RPN2: variants seen among roughly 807,000 people sequenced by gnomAD.
The protein encoded by RPN2 is dolichyl-diphosphooligosaccharide--protein glycosyltransferase subunit 2.
In RPN2, 29 loss-of-function variants were observed where a neutral mutation model predicts 71.4. That is an observed-to-expected ratio of 0.41 (90% CI 0.30 to 0.55). The LOEUF is 0.55. Among genes scored for constraint, RPN2 ranks in the 20% least tolerant of loss-of-function variants. The pLI, the probability that RPN2 is intolerant of heterozygous loss-of-function variation, is 0.35. For synonymous variants in RPN2, 308 were observed against 305.0 expected, an observed-to-expected ratio of 1.01 and a Z score of -0.10; for missense variants, 726 against 774.1, an observed-to-expected ratio of 0.94 and a Z score of 0.74.
At chr20:37,195,388 T>G (rs116554184) in intron 2 of RPN2, among the ~76,000 whole-genome samples, 175 of 152,328 alleles carry the variant, frequency 1.1e-3, no homozygotes, top group African/African-American at 3.9e-3. Flanking sequence ...CAGAATAGAT[T>G]GTTTTTAGTG....
At chr20:37,227,688 A>G (rs2068113749) in intron 11 of RPN2, among the ~76,000 whole-genome samples, 1 of 152,176 alleles carries the variant, frequency 6.6e-6, no homozygotes, top group Non-Finnish European at 1.5e-5. Flanking sequence ...CTGTAAACCT[A>G]CCTGCCTTGT....
chr20:37,210,513 G>A (rs1310913713), intron 8 of RPN2, among the ~76,000 whole-genome samples: 1 of 147,818 alleles, frequency 6.8e-6, no homozygotes, highest in African/African-American at 2.5e-5. Flanking sequence ...ACCATTCAGA[G>A]ATAACTTTTG....
intron 2 of RPN2, among the ~76,000 whole-genome samples, chr20:37,194,306 G>A (rs1425670648): frequency 6.6e-6 from 1 of 152,086 alleles, no homozygotes; most frequent in Non-Finnish European, 1.5e-5. Flanking sequence ...TTGTCACCCA[G>A]GCTGGAGTGC....
intron 8 of RPN2, 120 bp from the exon 9 acceptor site, chr20:37,213,640 A>G (rs1324440316): frequency 1.3e-6 from 1 of 789,660 alleles, no homozygotes; most frequent in East Asian, 2.6e-5. Context: ...GTGGGAAGTC[A>G]AAAAGGTAAG....
intron 7 of RPN2, among the ~76,000 whole-genome samples, chr20:37,209,234 C>T (rs1426462381): frequency 6.6e-6 from 1 of 152,222 alleles, no homozygotes; most frequent in Non-Finnish European, 1.5e-5. Flanking sequence ...ATATAGTTGA[C>T]TTTCAACAAA....
chr20:37,227,639 C>T lies in RPN2; in HGVS notation c.1300-911C>T, dbSNP rs569727875. 2.6e-5 allele frequency among the ~76,000 whole-genome samples: 4 copies of T among 152,334 alleles called. 1 individual carries two copies. In the South Asian group the frequency reaches 8.3e-4, roughly 32 times the overall value. ...AGTGCTGGCTCTGTCACCCTGCCAA[C>T]TCATTTAATGCTTGTGCCTTGTGAT... On this transcript the variant is annotated intron_variant, in intron 11 of 16. Coordinates refer to ENST00000237530, the MANE Select transcript of RPN2 (RefSeq NM_002951.5).
chr20:37,180,104 G>T (rs1568953313), intron 1 of RPN2, among the ~76,000 whole-genome samples: 1 of 152,190 alleles, frequency 6.6e-6, no homozygotes, highest in Non-Finnish European at 1.5e-5. Flanking sequence ...ATTTCATGTA[G>T]CCTCATCGTA....
intron 16 of RPN2, 82 bp downstream of exon 16, chr20:37,236,791 G>T: frequency 7.0e-7 from 1 of 1,436,818 alleles, no homozygotes. Flanking sequence ...AAGGGTAGGT[G>T]GCAAAATGAT....
intron 8 of RPN2, among the ~76,000 whole-genome samples, chr20:37,212,394 C>G (rs1439758997): frequency 6.6e-6 from 1 of 152,018 alleles, no homozygotes; most frequent in Non-Finnish European, 1.5e-5. Flanking sequence ...TAAGACCAGT[C>G]TGGGCAACAT....
At chr20:37,230,508 G>T (rs1426301757) in intron 13 of RPN2, among the ~76,000 whole-genome samples, 2 of 152,220 alleles carry the variant, frequency 1.3e-5, no homozygotes, top group Non-Finnish European at 2.9e-5. Flanking sequence ...CAGGACTGTT[G>T]TGAGAATCAA....
chr20:37,217,458 A>C lies in RPN2; in HGVS notation c.1092+3593A>C, dbSNP rs1292142430. Among the ~76,000 whole-genome samples, 4 of 151,478 alleles carry C rather than the reference A, an allele frequency of 2.6e-5. No homozygotes were observed. The East Asian group carries it at 5.9e-4, about 22-fold the overall frequency. On this transcript the variant is annotated intron_variant, in intron 9 of 16. Coordinates refer to ENST00000237530, the MANE Select transcript of RPN2 (RefSeq NM_002951.5). ...CAGGCACGCGCCACCATGCCCAGCT[A>C]ATTTTTGTATATTTAGTAGAGACGG...
intron 9 of RPN2, among the ~76,000 whole-genome samples, chr20:37,215,530 T>A (rs898041701): frequency 6.6e-6 from 1 of 152,150 alleles, no homozygotes; most frequent in Non-Finnish European, 1.5e-5. Context: ...GTTCTTTTTT[T>A]CTTTTCTTTT....
chr20:37,186,709 G>T (rs925545827), intron 2 of RPN2, among the ~76,000 whole-genome samples: 1 of 152,152 alleles, frequency 6.6e-6, no homozygotes, highest in Non-Finnish European at 1.5e-5. Flanking sequence ...CTTAAATCAG[G>T]ATCTAAAGAA....
At chr20:37,204,646 T>C (rs1389844564) in intron 5 of RPN2, 121 bp from the exon 6 acceptor site, 18 of 1,058,998 alleles carry the variant, frequency 1.7e-5, no homozygotes, top group Non-Finnish European at 2.5e-5. Context: ...GTGACTGAGA[T>C]GGTCTTCAGA....
chr20:37,220,557 G>C (rs1437847281), intron 9 of RPN2, among the ~76,000 whole-genome samples: 1 of 152,178 alleles, frequency 6.6e-6, no homozygotes, highest in Non-Finnish European at 1.5e-5. Context: ...CATTTTTTGA[G>C]ATGTATATGG....
intron 4 of RPN2, among the ~76,000 whole-genome samples, chr20:37,202,980 G>A (rs1289222765): frequency 1.3e-5 from 2 of 151,956 alleles, no homozygotes; most frequent in African/African-American, 2.4e-5. Context: ...GGCTGAGTGC[G>A]GTGGTGCAAT....
intron 1 of RPN2, among the ~76,000 whole-genome samples, chr20:37,180,826 C>T (rs2066848691): frequency 6.6e-6 from 1 of 152,174 alleles, no homozygotes; most frequent in Non-Finnish European, 1.5e-5. Context: ...AACTGGTGTC[C>T]CCTGCTCTGT....
chr20:37,181,044 C>T (rs1289568984), intron 1 of RPN2, among the ~76,000 whole-genome samples: 2 of 152,076 alleles, frequency 1.3e-5, no homozygotes, highest in Non-Finnish European at 1.5e-5. Flanking sequence ...TCCTGGCCAA[C>T]ATGGTGAAAC....
At chr20:37,195,375 C>T (rs2067233253) in intron 2 of RPN2, among the ~76,000 whole-genome samples, 1 of 152,220 alleles carries the variant, frequency 6.6e-6, no homozygotes, top group Non-Finnish European at 1.5e-5. Context: ...GCTTGTCTTA[C>T]TCCAGAATAG....
Sources: gnomAD v4.1 joint callset for allele counts (sites outside exome capture counted in the v4.1 genomes callset) on GRCh38, gnomAD v4.1.1 for gene constraint, MANE v1.5 for transcripts, NCBI Gene and HGNC (gene_info 2026-07-23, HGNC 2026-07-21) for gene names.